The following ELOVL6 variants were observed in gnomAD, a reference collection of about 807,000 sequenced individuals.
The protein encoded by ELOVL6 is ELOVL fatty acid elongase 6.
Under a neutral mutation model 31.7 loss-of-function variants are expected in ELOVL6, and 8 were observed. That is an observed-to-expected ratio of 0.25 (90% CI 0.15 to 0.45). ELOVL6 has a LOEUF of 0.45. Among genes scored for constraint, ELOVL6 ranks in the 20% least tolerant of loss-of-function variants. The pLI, the probability that ELOVL6 is intolerant of heterozygous loss-of-function variation, is 1.00. For missense variants in ELOVL6, 126 were observed against 326.4 expected, an observed-to-expected ratio of 0.39 and a Z score of 4.73; for synonymous variants, 101 against 117.7, an observed-to-expected ratio of 0.86 and a Z score of 0.92.
At chr4:110,062,352 C>T (rs534318252) in intron 2 of ELOVL6, among the ~76,000 whole-genome samples, 5 of 152,268 alleles carry the variant, frequency 3.3e-5, no homozygotes, top group African/African-American at 4.8e-5. Flanking sequence ...TCAGGGAAAC[C>T]GTCAGTGCCA....
chr4:110,099,077 A>T (rs886256521), intron 2 of ELOVL6, among the ~76,000 whole-genome samples: 3 of 152,066 alleles, frequency 2.0e-5, no homozygotes, highest in Non-Finnish European at 4.4e-5. Context: ...TAGGTTAAGA[A>T]CTGTCATGTT....
chr4:110,056,124 G>GGGT (rs1553953509), intron 3 of ELOVL6, among the ~76,000 whole-genome samples: 14 of 134,060 alleles, frequency 1.0e-4, no homozygotes, highest in Non-Finnish European at 1.5e-4. Flanking sequence ...GTGGGAGCTG[G>GGGT]GGGGGGGGAT....
chr4:110,153,421 G>A (rs60673340), intron 1 of ELOVL6, among the ~76,000 whole-genome samples: 1,666 of 152,228 alleles, frequency 0.011, 33 homozygotes, highest in African/African-American at 0.038. Flanking sequence ...TAATTTAAAT[G>A]CTACTTATAG....
intron 1 of ELOVL6, among the ~76,000 whole-genome samples, chr4:110,160,137 C>G (rs563943976): frequency 1.3e-5 from 2 of 151,866 alleles, no homozygotes; most frequent in Non-Finnish European, 2.9e-5. Context: ...CACACAAACA[C>G]TATTGGATGT....
At chr4:110,108,549 C>A (rs1244066659) in intron 1 of ELOVL6, among the ~76,000 whole-genome samples, 1 of 152,182 alleles carries the variant, frequency 6.6e-6, no homozygotes. Context: ...TCAGTCAGTA[C>A]AGAATCATAG....
rs554766104 is a variant in ELOVL6 at position 110,084,891 on chromosome 4, C to T, written c.221+20606G>A. On this transcript the variant is annotated intron_variant, in intron 2 of 3. Coordinates refer to ENST00000302274, the MANE Select transcript of ELOVL6 (RefSeq NM_024090.3). Reference sequence around the variant, plus strand: ...TACAGGTGTGAGCCACCGTGCCCGGCGTATGCTGTGATATATTAATAGCAA... The same window carrying T: ...TACAGGTGTGAGCCACCGTGCCCGGTGTATGCTGTGATATATTAATAGCAA... Among the ~76,000 whole-genome samples the T allele has an allele frequency of 8.8e-4, 134 of 151,690 alleles. 1 individual carries two copies. The highest frequency in any genetic ancestry group is 3.0e-3 in the African/African-American group (124 of 41,306).
intron 1 of ELOVL6, among the ~76,000 whole-genome samples, chr4:110,134,858 C>G (rs1172432484): frequency 6.6e-6 from 1 of 151,946 alleles, no homozygotes; most frequent in Non-Finnish European, 1.5e-5. Flanking sequence ...ACTCAGGAGG[C>G]TGGGGTGGGA....
intron 1 of ELOVL6, among the ~76,000 whole-genome samples, chr4:110,142,462 G>A (rs1172736469): frequency 1.6e-4 from 25 of 152,168 alleles, no homozygotes; most frequent in Non-Finnish European, 2.9e-5. Context: ...AAACATTGCA[G>A]ACAATCTCAT....
intron 1 of ELOVL6, among the ~76,000 whole-genome samples, chr4:110,128,357 CT>C: frequency 6.6e-6 from 1 of 152,136 alleles, no homozygotes; most frequent in Admixed American, 6.5e-5. Flanking sequence ...TAAGACGTTT[CT>C]TTTTCATCTT....
At chr4:110,094,048 G>C (rs1200682919) in intron 2 of ELOVL6, among the ~76,000 whole-genome samples, 1 of 151,902 alleles carries the variant, frequency 6.6e-6, no homozygotes, top group Non-Finnish European at 1.5e-5. Context: ...TCAGGAGTTT[G>C]AGACCAGCCT....
In ELOVL6 at chr4:110,192,159, CA is replaced by C. The variant is rs1056533045; in HGVS notation, c.89+6087del. 8.1e-5 allele frequency among the ~76,000 whole-genome samples: 12 copies of C among 148,712 alleles called. No individual in the cohort carries two copies. The South Asian group carries it at 8.5e-4, about 10-fold the overall frequency. On this transcript the variant is annotated intron_variant, in intron 1 of 3. Coordinates refer to ENST00000302274, the MANE Select transcript of ELOVL6 (RefSeq NM_024090.3). ...AAGCCGAGATGGAACAATTGCACTCCAGCCTGGGCAACAAGGGCAAAACTCC... is the reference window on the plus strand; with the variant it reads ...AAGCCGAGATGGAACAATTGCACTCCGCCTGGGCAACAAGGGCAAAACTCC...
At chr4:110,154,441 G>A (rs904196270) in intron 1 of ELOVL6, among the ~76,000 whole-genome samples, 1 of 152,056 alleles carries the variant, frequency 6.6e-6, no homozygotes, top group Admixed American at 6.6e-5. Context: ...TTTTAGTAGA[G>A]GCAGGATTTC....
chr4:110,182,637 G>C (rs925515037), intron 1 of ELOVL6, among the ~76,000 whole-genome samples: 2 of 152,136 alleles, frequency 1.3e-5, no homozygotes, highest in African/African-American at 2.4e-5. Context: ...GGCCGGGCGC[G>C]GTGGCTCATG....
chr4:110,068,392 G>A lies in ELOVL6; in HGVS notation c.222-8638C>T, dbSNP rs532644074. Among the ~76,000 whole-genome samples, 5 of 152,342 alleles carry A rather than the reference G, an allele frequency of 3.3e-5. No homozygotes were observed. The South Asian group carries it at 8.3e-4, about 25-fold the overall frequency. ...TAAGTGAGGAAAGTCTTGGAGCACA[G>A]AGAAGCTATCTTCGTGGACAATATG... is the stretch of plus-strand genomic sequence containing the variant. On this transcript the variant is annotated intron_variant, in intron 2 of 3. Coordinates refer to ENST00000302274, the MANE Select transcript of ELOVL6 (RefSeq NM_024090.3).
chr4:110,116,540 A>G (rs1385309311), intron 1 of ELOVL6, among the ~76,000 whole-genome samples: 1 of 152,222 alleles, frequency 6.6e-6, no homozygotes, highest in Non-Finnish European at 1.5e-5. Context: ...CCAGGTACCT[A>G]TGTTCAGAAT....
chr4:110,058,581 G>C (rs1755058366), intron 3 of ELOVL6, among the ~76,000 whole-genome samples: 1 of 152,146 alleles, frequency 6.6e-6, no homozygotes, highest in Admixed American at 6.5e-5. Context: ...CCTTACAGAA[G>C]ACTGCTCATA....
At chr4:110,185,203 T>C (rs116696741) in intron 1 of ELOVL6, among the ~76,000 whole-genome samples, 4,831 of 152,246 alleles carry the variant, frequency 0.032, 113 homozygotes, top group Non-Finnish European at 0.045. Context: ...AATCACAAAA[T>C]ACAGGTTCAA....
At chr4:110,090,399 A>G (rs567287449) in intron 2 of ELOVL6, among the ~76,000 whole-genome samples, 2 of 152,176 alleles carry the variant, frequency 1.3e-5, no homozygotes, top group Non-Finnish European at 2.9e-5. Flanking sequence ...ATTTTTGTCA[A>G]CCATAACCCT....
At chr4:110,172,817 A>G (rs527657900) in intron 1 of ELOVL6, among the ~76,000 whole-genome samples, 1 of 152,332 alleles carries the variant, frequency 6.6e-6, no homozygotes, top group East Asian at 1.9e-4. Flanking sequence ...CAGTGAAACA[A>G]TGGACATATA....
Sources: gnomAD v4.1 joint callset for allele counts (sites outside exome capture counted in the v4.1 genomes callset) on GRCh38, gnomAD v4.1.1 for gene constraint, MANE v1.5 for transcripts, NCBI Gene and HGNC (gene_info 2026-07-23, HGNC 2026-07-21) for gene names.